GRM7: variants seen among roughly 807,000 people sequenced by gnomAD.
The protein encoded by GRM7 is glutamate metabotropic receptor 7.
In GRM7, 35 loss-of-function variants were observed where a neutral mutation model predicts 84.5. The ratio of observed to expected loss-of-function variants is 0.41; its 90% CI spans 0.32 to 0.55. The LOEUF is 0.55. Ranked by LOEUF, GRM7 falls within the 20% of genes least tolerant of loss-of-function variation. The probability of loss-of-function intolerance (pLI) is 0.19; values close to 1 mark genes in which losing one functional copy is unlikely to be tolerated. For synonymous variants in GRM7, 487 were observed against 455.1 expected (o/e 1.07, Z -0.89); for missense variants, 1,003 against 1,194.6 (o/e 0.84, Z 2.36).
rs140998106 is a variant in GRM7, at chr3:7,314,542, A to T, written c.1033+7890A>T. 5.2e-3 allele frequency among the ~76,000 whole-genome samples: 791 copies of T among 152,194 alleles called. 10 individuals carry two copies. The highest frequency in any genetic ancestry group is 0.018 in the African/African-American group (760 of 41,552). On this transcript the variant is annotated intron_variant, in intron 4 of 9. Coordinates refer to ENST00000357716, the MANE Select transcript of GRM7 (RefSeq NM_000844.4). ...TATGAATTTACACTCTAGCAGAAGT[A>T]GACAGATGATAATCAATAGGCACAA...
At chr3:7,561,314 AATTTAGTGTG>A (rs1287499099) in intron 7 of GRM7, 13 of 266,142 alleles carry the variant, frequency 4.9e-5, no homozygotes, top group Middle Eastern at 4.6e-4. Context: ...AATTACATTG[AATTTAGTGTG>A]ATTTATACAC....
chr3:6,924,721 G>A (rs1697241553), intron 1 of GRM7, among the ~76,000 whole-genome samples: 1 of 151,824 alleles, frequency 6.6e-6, no homozygotes, highest in Admixed American at 6.6e-5. Flanking sequence ...AACACTGTAA[G>A]AGGCTACCAG....
chr3:7,228,170 T>A (rs1221269719), intron 2 of GRM7, among the ~76,000 whole-genome samples: 1 of 152,010 alleles, frequency 6.6e-6, no homozygotes, highest in Admixed American at 6.6e-5. Context: ...GACCCCAAAT[T>A]TGAGGCACAT....
At position 6,991,729 on chromosome 3, in the gene GRM7, CTAAT is replaced by C. The variant is rs796564462; in HGVS notation, c.519+129826_519+129829del. On this transcript the variant is annotated intron_variant, in intron 1 of 9. Transcript: ENST00000357716. The stretch of plus-strand genomic sequence containing the variant: ...TTGTGAAATGATTACCACAACCAAA[CTAAT>C]TAACACATCCATTCTGTTAGTTACC... Among the ~76,000 whole-genome samples the C allele has an allele frequency of 3.0e-4, 46 of 152,242 alleles. 1 individual carries two copies. The highest frequency in any genetic ancestry group is 9.6e-4 in the African/African-American group (40 of 41,544).
chr3:7,031,466 G>C (rs1416322628), intron 1 of GRM7, among the ~76,000 whole-genome samples: 1 of 151,726 alleles, frequency 6.6e-6, no homozygotes, highest in African/African-American at 2.4e-5. Flanking sequence ...GCCCAGGCTA[G>C]AGTGCAGTGG....
intron 1 of GRM7, among the ~76,000 whole-genome samples, chr3:6,963,641 A>G (rs1179761148): frequency 6.6e-6 from 1 of 152,184 alleles, no homozygotes; most frequent in African/African-American, 2.4e-5. Flanking sequence ...CCCAATACAT[A>G]TCATTCATTC....
At chr3:6,900,718 T>C (rs148741140) in intron 1 of GRM7, among the ~76,000 whole-genome samples, 363 of 152,338 alleles carry the variant, frequency 2.4e-3, no homozygotes, top group Middle Eastern at 0.014. Context: ...TTTAAGGATA[T>C]ATTTGAATGT....
At chr3:7,376,151 A>G (rs1694339692) in intron 4 of GRM7, among the ~76,000 whole-genome samples, 2 of 152,300 alleles carry the variant, frequency 1.3e-5, no homozygotes, top group East Asian at 1.9e-4. Flanking sequence ...TAGTGTCTGC[A>G]TCATGCTGAC....
intron 2 of GRM7, among the ~76,000 whole-genome samples, chr3:7,286,712 T>C (rs565268835): frequency 1.5e-4 from 23 of 152,312 alleles, no homozygotes; most frequent in African/African-American, 4.3e-4. Context: ...GATCTCTGCA[T>C]GCATGTCTCT....
At chr3:7,545,446 C>G (rs1222618537) in intron 7 of GRM7, among the ~76,000 whole-genome samples, 1 of 152,162 alleles carries the variant, frequency 6.6e-6, no homozygotes, top group African/African-American at 2.4e-5. Context: ...TGCTCACAGG[C>G]ACCATTTCTG....
chr3:7,063,389 G>T (rs1295882438), intron 1 of GRM7, among the ~76,000 whole-genome samples: 2 of 151,720 alleles, frequency 1.3e-5, no homozygotes, highest in Non-Finnish European at 2.9e-5. Flanking sequence ...GGACCATGAA[G>T]ACTAAGCAGG....
chr3:7,656,397 G>A (rs1194982174), intron 8 of GRM7, among the ~76,000 whole-genome samples: 1 of 152,040 alleles, frequency 6.6e-6, no homozygotes, highest in East Asian at 1.9e-4. Context: ...TTGGGAGGCT[G>A]AGGCAGAAGA....
At chr3:6,984,734 T>C (rs749111527) in intron 1 of GRM7, among the ~76,000 whole-genome samples, 7 of 152,160 alleles carry the variant, frequency 4.6e-5, no homozygotes, top group Non-Finnish European at 1.0e-4. Flanking sequence ...CATCCTTCAG[T>C]TGCACTGATA....
At chr3:7,690,610 T>C (rs1700763672) in intron 9 of GRM7, among the ~76,000 whole-genome samples, 2 of 152,320 alleles carry the variant, frequency 1.3e-5, no homozygotes, top group African/African-American at 4.8e-5. Context: ...TTAATTTCTT[T>C]TCTTGTGCTA....
chr3:7,392,799 C>T (rs1695051773), intron 4 of GRM7, among the ~76,000 whole-genome samples: 1 of 152,182 alleles, frequency 6.6e-6, no homozygotes, highest in Non-Finnish European at 1.5e-5. Flanking sequence ...AGGCAGGGTG[C>T]TACCTGGGCA....
chr3:7,580,376 T>G (rs993976881), intron 8 of GRM7, among the ~76,000 whole-genome samples: 5 of 152,164 alleles, frequency 3.3e-5, no homozygotes, highest in African/African-American at 1.2e-4. Flanking sequence ...TCTAGTCTGA[T>G]TCCACGTTAC....
chr3:7,571,415 ATC>A (rs1326527744), intron 7 of GRM7, among the ~76,000 whole-genome samples: 1 of 152,116 alleles, frequency 6.6e-6, no homozygotes, highest in Non-Finnish European at 1.5e-5. Context: ...ACCCTAAATC[ATC>A]TCTCTCAAGT....
intron 2 of GRM7, among the ~76,000 whole-genome samples, chr3:7,207,210 G>A (rs549482413): frequency 6.6e-6 from 1 of 152,146 alleles, no homozygotes; most frequent in Non-Finnish European, 1.5e-5. Flanking sequence ...TGGGGACAGT[G>A]GCTCTTCACC....
At chr3:7,168,255 T>C (rs1559481432) in intron 2 of GRM7, among the ~76,000 whole-genome samples, 1 of 152,152 alleles carries the variant, frequency 6.6e-6, no homozygotes, top group Non-Finnish European at 1.5e-5. Flanking sequence ...GTTTCAGTGA[T>C]TGTAAATATA....
Sources: allele counts gnomAD v4.1 joint callset (sites outside exome capture counted in the v4.1 genomes callset), GRCh38; gene constraint gnomAD v4.1.1; transcripts MANE v1.5; gene names NCBI Gene and HGNC (gene_info 2026-07-23, HGNC 2026-07-21).